DNHD1: variants seen among roughly 807,000 people sequenced by gnomAD.
DNHD1 encodes dynein heavy chain domain-containing protein 1.
In DNHD1, 383 loss-of-function variants were observed where a neutral mutation model predicts 458.1. The observed-to-expected ratio is 0.84, with a 90% CI of 0.77 to 0.91. The LOEUF is 0.91. Among genes scored for constraint, DNHD1 ranks in the 40% least tolerant of loss-of-function variants. The pLI is 0.00. For synonymous variants in DNHD1, 2,203 were observed against 2,376.9 expected (o/e 0.93, Z 2.13); for missense variants, 5,336 against 5,866.1 (o/e 0.91, Z 2.95).
chr11:6,532,970 T>C, intron 12 of DNHD1, 57 bp from the exon 13 acceptor site: 1 of 1,513,120 alleles, frequency 6.6e-7, no homozygotes, highest in Non-Finnish European at 8.9e-7. Flanking sequence ...CACAGCACTG[T>C]CCCCAGCACC....
At chr11:6,569,085 A>G (rs1223381708) in intron 39 of DNHD1, among the ~76,000 whole-genome samples, 1 of 152,188 alleles carries the variant, frequency 6.6e-6, no homozygotes, top group Admixed American at 6.5e-5. Context: ...TTCTGAGCAG[A>G]GGGACCTAAA....
chr11:6,526,055 G>A (rs1360190222), intron 10 of DNHD1, among the ~76,000 whole-genome samples: 4 of 151,374 alleles, frequency 2.6e-5, no homozygotes, highest in Non-Finnish European at 5.9e-5. Flanking sequence ...TTTCTTGGGG[G>A]AATCTTGTTA....
At chr11:6,552,754 T>G (rs1853387451) in intron 24 of DNHD1, among the ~76,000 whole-genome samples, 1 of 152,038 alleles carries the variant, frequency 6.6e-6, no homozygotes, top group South Asian at 2.1e-4. Context: ...TCCACTCACC[T>G]CCCACCAGGT....
chr11:6,543,910 G>A (rs922586965), intron 18 of DNHD1, among the ~76,000 whole-genome samples: 1 of 132,688 alleles, frequency 7.5e-6, no homozygotes, highest in African/African-American at 2.8e-5. Context: ...AGTGAGCTGA[G>A]ATCGTGCCAT....
chr11:6,547,039 A>G lies in DNHD1; in HGVS notation c.6100A>G (p.Ser2034Gly). Residue 2034 changes from serine to glycine, a missense_variant, in exon 21 of 43, where the codon AGT becomes GGT. Transcript: ENST00000254579. ...QPVEITHLYP[S>G]GLSPQEFLGW... is the part of the protein sequence containing the mutation. ...TGTGGAAATTACCCACCTGTACCCC[A>G]GTGGCCTCAGCCCCCAGGAGTTCCT... 1 of 1,551,626 alleles carries G rather than the reference A, an allele frequency of 6.4e-7. No individual in the cohort carries two copies. Among genetic ancestry groups the G allele is most frequent in the Non-Finnish European group, 8.7e-7 (1 of 1,146,968 alleles).
At chr11:6,544,276 G>T (rs369361285) in intron 19 of DNHD1, 30 bp downstream of exon 19, 4 of 1,550,934 alleles carry the variant, frequency 2.6e-6, no homozygotes, top group Admixed American at 2.0e-5. Context: ...CAGGCTGATG[G>T]GTGAGACCTG....
chr11:6,498,133 C>A lies in DNHD1; in HGVS notation c.-83C>A, dbSNP rs2723645. 18 of 1,550,778 alleles carry A rather than the reference C, an allele frequency of 1.2e-5. No individual in the cohort carries two copies. The Admixed American group carries it at 2.3e-4, about 20-fold the overall frequency. On this transcript the variant is annotated 5_prime_UTR_variant, in exon 3 of 43. Transcript: ENST00000254579. The stretch of plus-strand genomic sequence containing the variant: ...GGGCTGGCCCATGCAGGTGAGGCCC[C>A]GCATCTGGCATCCTGGAACTGGCAG...
chr11:6,509,067 C>G lies in DNHD1; in HGVS notation c.1108C>G (p.Arg370Gly). The G allele has an allele frequency of 1.2e-6, 2 of 1,614,180 alleles. No individual in the cohort carries two copies. The highest frequency in any genetic ancestry group is 1.7e-6 in the Non-Finnish European group (2 of 1,180,034). The change falls in exon 5 of 43, where the codon CGC becomes GGC. Residue 370 changes from arginine to glycine, a missense_variant. This residue lies in a region of DNHD1 where 3,932 missense variants were observed against 4,365.6 expected (regional missense o/e 0.90). Coordinates refer to ENST00000254579, the MANE Select transcript of DNHD1 (RefSeq NM_144666.3). ...TCCATTCTTTAAGTATTGCCTCTTA[C>G]GCAAGTCCTTTACCTGGTAGGTAAT... ...FIPFFKYCLL[R>G]KSFTCWKKNV...
chr11:6,571,637 T>C lies in DNHD1; in HGVS notation c.13913T>C (p.Val4638Ala). 2 of 1,570,430 alleles carry C rather than the reference T, an allele frequency of 1.3e-6. No homozygotes were observed. Among genetic ancestry groups the C allele is most frequent in the Non-Finnish European group, 1.7e-6 (2 of 1,154,998 alleles). ...EMNSNPLHFR[V>A]ENGPNPTVPE... is the part of the protein sequence containing the mutation. The stretch of plus-strand genomic sequence containing the variant: ...CTGACCAGCTTCTGACGCCCCCAGG[T>C]GGAGAATGGTCCAAATCCCACGGTT... Residue 4638 changes from valine (V) to alanine (A), a missense_variant and splice_region_variant, in exon 43 of 43, where the codon GTG (valine) becomes GCG (alanine). By Grantham distance (64) the Val-to-Ala change is moderately conservative. Transcript: ENST00000254579. The surrounding 1 kb of genome is among the most constrained non-coding windows in gnomAD (Gnocchi z 5.0).
At position 6,571,420 on chromosome 11, in the gene DNHD1, C is replaced by A. The variant is rs369009970; in HGVS notation, c.13908C>A (p.Phe4636Leu). The change falls in exon 42 of 43, where the codon TTC (phenylalanine) becomes TTA (leucine). Residue 4636 changes from phenylalanine to leucine, a missense_variant. This residue lies in a region of DNHD1 where 698 missense variants were observed against 664.9 expected (regional missense o/e 1.05). Coordinates refer to ENST00000254579, the MANE Select transcript of DNHD1 (RefSeq NM_144666.3). The surrounding 1 kb of genome is among the most constrained non-coding windows in gnomAD (Gnocchi z 5.0). The stretch of plus-strand genomic sequence containing the variant: ...AGATGAACAGCAACCCTCTGCACTT[C>A]AGGGTATCTTCGCGCCGCCCCTCGT... ...RLEMNSNPLH[F>L]RVENGPNPTV... is the part of the protein sequence containing the mutation. 7.5e-6 allele frequency: 12 copies of A among 1,590,724 alleles called. No individual in the cohort carries two copies. Among genetic ancestry groups the A allele is most frequent in the Non-Finnish European group, 8.6e-6 (10 of 1,164,200 alleles).
rs754761577 is a variant in DNHD1, at chr11:6,571,070, C to A, written c.13558C>A (p.Arg4520Ser). ...LKGAPPCPSRRCAAVAHALWT... is the reference protein window; with the variant it reads ...LKGAPPCPSRSCAAVAHALWT... Reference sequence around the variant, plus strand: ...GGGCGCACCCCCGTGCCCCTCCCGCCGCTGTGCTGCGGTGGCCCACGCTCT... The same window carrying A: ...GGGCGCACCCCCGTGCCCCTCCCGCAGCTGTGCTGCGGTGGCCCACGCTCT... The change falls in exon 42 of 43, where the codon CGC becomes AGC. Residue 4520 changes from arginine to serine, a missense_variant. By Grantham distance (110) the Arg-to-Ser change is moderately radical (BLOSUM62 -1). This residue lies in a region of DNHD1 where 698 missense variants were observed against 664.9 expected (regional missense o/e 1.05). Coordinates refer to ENST00000254579, the MANE Select transcript of DNHD1 (RefSeq NM_144666.3). The surrounding 1 kb of genome is among the most constrained non-coding windows in gnomAD (Gnocchi z 5.0). The A allele has an allele frequency of 5.7e-6, 9 of 1,582,336 alleles. No individual in the cohort carries two copies. The highest frequency in any genetic ancestry group is 7.7e-6 in the Non-Finnish European group (9 of 1,163,312).
rs927107074 is a variant in DNHD1, at chr11:6,557,896, C to T, written c.8601C>T (p.Ser2867=). 22 of 1,551,262 alleles carry T rather than the reference C, an allele frequency of 1.4e-5. No homozygotes were observed. The highest frequency in any genetic ancestry group is 1.8e-5 in the Non-Finnish European group (21 of 1,146,970). ...GCCCCCACCTGGCCCGGTGTCATTC[C>T]ATGGCCCAGCACGTGGCCCGCCTGG... The part of the protein sequence containing the change: ...KLSPHLARCH[S]MAQHVARLVR... The change falls in exon 25 of 43, where the codon TCC becomes TCT. Residue 2867 remains serine, a synonymous_variant. Transcript: ENST00000254579.
intron 24 of DNHD1, 191 bp downstream of exon 24, chr11:6,549,124 GC>G: frequency 1.5e-6 from 1 of 651,422 alleles, no homozygotes; most frequent in Non-Finnish European, 2.6e-6. Flanking sequence ...TCTCTGCTTT[GC>G]TAAATCTCTG....
At position 6,548,333 on chromosome 11, in the gene DNHD1, C is replaced by T. The variant is rs767251312; in HGVS notation, c.7029C>T (p.Val2343=). The change falls in exon 23 of 43, where the codon GTC becomes GTT. Residue 2343 remains valine (V), a synonymous_variant. Transcript: ENST00000254579. The surrounding 1 kb of genome is among the most constrained non-coding windows in gnomAD (Gnocchi z 4.4). ...LHVSPEDGTL[V]PFTGQYLSSH... is the part of the protein sequence containing the mutation. ...TAAGCCCTGAAGATGGAACACTGGT[C>T]CCCTTCACTGGCCAATACCTGAGCA... 9.0e-6 allele frequency: 14 copies of T among 1,551,572 alleles called. No individual in the cohort carries two copies. Among genetic ancestry groups the T allele is most frequent in the Non-Finnish European group, 1.7e-6 (2 of 1,146,994 alleles).
At chr11:6,504,673 T>A (rs1361220420) in intron 4 of DNHD1, among the ~76,000 whole-genome samples, 1 of 152,144 alleles carries the variant, frequency 6.6e-6, no homozygotes, top group Non-Finnish European at 1.5e-5. Context: ...GGTCTTGAAC[T>A]CCTGACCTCA....
intron 24 of DNHD1, among the ~76,000 whole-genome samples, chr11:6,554,225 TG>T (rs1025289262): frequency 3.3e-5 from 5 of 152,086 alleles, no homozygotes; most frequent in Non-Finnish European, 7.4e-5. Flanking sequence ...GATAATTCAA[TG>T]GGGGAAAGGA....
rs1383904172 is a variant in DNHD1 at position 6,563,033 on chromosome 11, C to T, written c.9571C>T (p.Gln3191Ter). 2.6e-6 allele frequency: 4 copies of T among 1,551,722 alleles called. No homozygotes were observed. Among genetic ancestry groups the T allele is most frequent in the Non-Finnish European group, 2.6e-6 (3 of 1,146,986 alleles). Residue 3191 changes from glutamine to a stop codon, truncating the protein, a stop_gained, in exon 29 of 43, where the codon CAG (glutamine) becomes TAG (stop). Transcript: ENST00000254579. LOFTEE classifies it high-confidence loss of function. ...QLEQSKLLYK[Q>*]QLEECRHQEN... ...AGAGCAAAGCAAGCTCCTATACAAG[C>T]AGCAGCTGGAAGAGTGTCGGCATCA...
At chr11:6,555,913 G>C (rs552671227) in intron 24 of DNHD1, among the ~76,000 whole-genome samples, 1 of 152,134 alleles carries the variant, frequency 6.6e-6, no homozygotes, top group Admixed American at 6.5e-5. Flanking sequence ...AAAATTCACT[G>C]AACTGTACAC....
In DNHD1 at chr11:6,528,586, C is replaced by T. The variant is rs1489573741; in HGVS notation, c.1902C>T (p.Ser634=). Reference sequence around the variant, plus strand: ...TGCCCAAGTTCCAGGGCCAGCCCAGCGATGCTGTGAGCATCTTCTGTGGCC... The same window carrying T: ...TGCCCAAGTTCCAGGGCCAGCCCAGTGATGCTGTGAGCATCTTCTGTGGCC... ...FLMPKFQGQP[S]DAVSIFCGPN... Residue 634 remains serine (S), a synonymous_variant, in exon 11 of 43, where the codon AGC becomes AGT. Coordinates refer to ENST00000254579, the MANE Select transcript of DNHD1 (RefSeq NM_144666.3). 7 of 1,551,534 alleles carry T rather than the reference C, an allele frequency of 4.5e-6. No homozygotes were observed. Among genetic ancestry groups the T allele is most frequent in the East Asian group, 2.4e-5 (1 of 40,918 alleles).
Sources: gnomAD v4.1 joint callset for allele counts (sites outside exome capture counted in the v4.1 genomes callset) on GRCh38, gnomAD v4.1.1 for gene constraint, gnomAD v4.1.1 regional missense constraint, Gnocchi (gnomAD v3.1) non-coding constraint, MANE v1.5 for transcripts, NCBI Gene and HGNC (gene_info 2026-07-23, HGNC 2026-07-21) for gene names.